The following TEK variants were observed in gnomAD, a reference collection of about 807,000 sequenced individuals.
TEK encodes the protein TEK receptor tyrosine kinase, also known as angiopoietin-1 receptor.
In TEK, 43 loss-of-function variants were observed where a neutral mutation model predicts 131.8. That is an observed-to-expected ratio of 0.33 (90% CI 0.26 to 0.42). The LOEUF is 0.42. TEK is among the 10% of genes least tolerant of loss of function. The probability of loss-of-function intolerance (pLI) is 1.00; values close to 1 mark genes in which losing one functional copy is unlikely to be tolerated. For synonymous variants in TEK, 580 were observed against 491.6 expected (o/e 1.18, Z -2.38); for missense variants, 1,162 against 1,384.4 (o/e 0.84, Z 2.55).
chr9:27,190,530 T>C lies in TEK; in HGVS notation c.1329T>C (p.Val443=), dbSNP rs999084992. Residue 443 remains valine (V), a splice_region_variant and synonymous_variant, in exon 10 of 23, where the codon GTT becomes GTC. Coordinates refer to ENST00000380036, the MANE Select transcript of TEK (RefSeq NM_000459.5). ...TCTGCCTTCTGAAATTGTATTTAGT[T>C]CTTCCAAAGCCCCTGAATGCCCCAA... ...VEKPFNISVK[V]LPKPLNAPNV... is the part of the protein sequence containing the mutation. 8 of 1,613,846 alleles carry C rather than the reference T, an allele frequency of 5.0e-6. No individual in the cohort carries two copies. The African/African-American group carries it at 1.1e-4, about 22-fold the overall frequency.
At chr9:27,176,145 A>G (rs1181559432) in intron 6 of TEK, among the ~76,000 whole-genome samples, 1 of 152,196 alleles carries the variant, frequency 6.6e-6, no homozygotes. Context: ...TCTAACAGTA[A>G]CTACTTAAGG....
At chr9:27,193,395 G>A (rs1824893170) in intron 11 of TEK, among the ~76,000 whole-genome samples, 1 of 152,168 alleles carries the variant, frequency 6.6e-6, no homozygotes, top group African/African-American at 2.4e-5. Context: ...AGGTTCCCAA[G>A]TGATGCTGCT....
At chr9:27,177,636 G>A (rs1209444166) in intron 6 of TEK, among the ~76,000 whole-genome samples, 1 of 152,158 alleles carries the variant, frequency 6.6e-6, no homozygotes, top group Admixed American at 6.5e-5. Flanking sequence ...TTTAATCCCA[G>A]CTACTTGGGG....
chr9:27,180,482 C>G (rs1227851289), intron 7 of TEK, 114 bp downstream of exon 7: 2 of 1,458,428 alleles, frequency 1.4e-6, no homozygotes, highest in East Asian at 5.0e-5. Flanking sequence ...TTGTTTCCAT[C>G]CAGAAGTTGG....
At chr9:27,209,303 A>AAAGAT in intron 16 of TEK, 72 bp downstream of exon 16, 1 of 1,082,744 alleles carries the variant, frequency 9.2e-7, no homozygotes, top group South Asian at 1.3e-5. Flanking sequence ...GGATATAAGG[A>AAAGAT]AAGATAATGA....
intron 9 of TEK, among the ~76,000 whole-genome samples, chr9:27,188,106 G>C (rs1419367246): frequency 6.6e-6 from 1 of 152,144 alleles, no homozygotes; most frequent in Non-Finnish European, 1.5e-5. Flanking sequence ...GTGAAAGAAA[G>C]TACATGCTTT....
At chr9:27,217,799 C>A in intron 19 of TEK, 41 bp downstream of exon 19, 4 of 1,550,590 alleles carry the variant, frequency 2.6e-6, no homozygotes, top group South Asian at 1.1e-5. Flanking sequence ...TTTTTCCCTC[C>A]CAGAAACATA....
chr9:27,180,078 C>T (rs1021146536), intron 6 of TEK, among the ~76,000 whole-genome samples, 162 bp from the exon 7 acceptor site: 2 of 152,018 alleles, frequency 1.3e-5, no homozygotes, highest in Admixed American at 1.3e-4. Flanking sequence ...AGCATAACTC[C>T]CCAGCTTTTT....
intron 21 of TEK, among the ~76,000 whole-genome samples, chr9:27,226,074 G>A (rs577168687): frequency 3.3e-5 from 5 of 152,174 alleles, no homozygotes; most frequent in Non-Finnish European, 4.4e-5. Context: ...TAAAAAGTCA[G>A]GAAATGACAG....
At chr9:27,202,724 C>T (rs1587007797) in intron 12 of TEK, 96 bp from the exon 13 acceptor site, 2 of 1,328,014 alleles carry the variant, frequency 1.5e-6, no homozygotes, top group East Asian at 4.6e-5. Context: ...CATTTGTTTG[C>T]CTTATATGAG....
intron 19 of TEK, 42 bp downstream of exon 19, chr9:27,217,800 C>G (rs749987874): frequency 6.5e-7 from 1 of 1,544,124 alleles, no homozygotes; most frequent in Admixed American, 1.7e-5. Flanking sequence ...TTTTCCCTCC[C>G]AGAAACATAT....
intron 1 of TEK, among the ~76,000 whole-genome samples, chr9:27,135,519 T>C (rs1447859507): frequency 6.6e-6 from 1 of 152,168 alleles, no homozygotes; most frequent in Admixed American, 6.5e-5. Context: ...TATTGAATAT[T>C]CCACTATTTG....
chr9:27,197,221 G>A lies in TEK; in HGVS notation c.1625-94G>A. 4 of 1,398,014 alleles carry A rather than the reference G, an allele frequency of 2.9e-6. No homozygotes were observed. The South Asian group carries it at 4.8e-5, about 17-fold the overall frequency. The allele number at this position is 1,398,014 out of a possible 1,614,324, so 86.6% of individuals were successfully genotyped here. ...CCCACCAGGCCCCACCTCCAACACT[G>A]GGGATTACATTTCAGTATGAGATTT... On this transcript the variant is annotated intron_variant, in intron 11 of 22. Transcript: ENST00000380036.
intron 9 of TEK, among the ~76,000 whole-genome samples, chr9:27,188,753 A>T (rs7861628): frequency 0.076 from 11,512 of 152,222 alleles, 656 homozygotes; most frequent in African/African-American, 0.16. Context: ...TGTTCTAGGC[A>T]CTGGGAATAG....
At chr9:27,137,045 A>T (rs1213809121) in intron 1 of TEK, among the ~76,000 whole-genome samples, 6 of 152,108 alleles carry the variant, frequency 3.9e-5, no homozygotes, top group Admixed American at 3.9e-4. Context: ...CCTCCCGAGT[A>T]GCTGGGACTA....
At chr9:27,156,505 T>G (rs1033148058) in intron 1 of TEK, among the ~76,000 whole-genome samples, 9 of 151,774 alleles carry the variant, frequency 5.9e-5, no homozygotes, top group Admixed American at 5.9e-4. Context: ...AAGCAGAAGG[T>G]GGCCATGCCA....
chr9:27,156,728 T>A (rs1412393318), intron 1 of TEK, among the ~76,000 whole-genome samples: 6 of 152,288 alleles, frequency 3.9e-5, no homozygotes, highest in African/African-American at 1.4e-4. Context: ...ACAGAGTTGC[T>A]GAATTTAATG....
intron 2 of TEK, among the ~76,000 whole-genome samples, chr9:27,159,341 A>G (rs112273256): frequency 1.4e-4 from 22 of 152,190 alleles, no homozygotes; most frequent in Non-Finnish European, 1.6e-4. Flanking sequence ...ATTGTACACT[A>G]TCACTTCTGC....
At chr9:27,190,042 C>T (rs1266778084) in intron 9 of TEK, among the ~76,000 whole-genome samples, 1 of 152,128 alleles carries the variant, frequency 6.6e-6, no homozygotes, top group Non-Finnish European at 1.5e-5. Context: ...GAAATATTCA[C>T]ATCAGAGCTA....
Sources: gnomAD v4.1 joint callset for allele counts (sites outside exome capture counted in the v4.1 genomes callset) on GRCh38, gnomAD v4.1.1 for gene constraint, MANE v1.5 for transcripts, NCBI Gene and HGNC (gene_info 2026-07-23, HGNC 2026-07-21) for gene names.